The following COLEC10 variants were observed in gnomAD, a reference collection of about 807,000 sequenced individuals.
COLEC10 encodes collectin-10.
COLEC10 carries 22 observed loss-of-function variants against 28.4 expected under a neutral mutation model. The ratio of observed to expected loss-of-function variants is 0.78; its 90% CI spans 0.55 to 1.11. The LOEUF is 1.11. Ranked by LOEUF, COLEC10 falls within the 50% of genes least tolerant of loss-of-function variation. The pLI is 0.00. For missense variants in COLEC10, 361 were observed against 344.1 expected (o/e 1.05, Z -0.39); for synonymous variants, 125 against 116.1 (o/e 1.08, Z -0.49).
At chr8:119,098,524 A>G (rs1002436187) in intron 3 of COLEC10, among the ~76,000 whole-genome samples, 3 of 152,018 alleles carry the variant, frequency 2.0e-5, no homozygotes, top group African/African-American at 7.2e-5. Flanking sequence ...TGGGAGAACA[A>G]ATGAATGAAA....
chr8:119,000,625 T>C (rs767873812), intron 1 of COLEC10, among the ~76,000 whole-genome samples: 2 of 151,904 alleles, frequency 1.3e-5, no homozygotes, highest in African/African-American at 2.4e-5. Context: ...GAGAGGGTGA[T>C]GAATATTTAA....
At chr8:119,061,981 G>A (rs1401166081) in intron 2 of COLEC10, among the ~76,000 whole-genome samples, 1 of 152,058 alleles carries the variant, frequency 6.6e-6, no homozygotes, top group Non-Finnish European at 1.5e-5. Flanking sequence ...TGGTAGTTAT[G>A]ATGGGTTTGG....
the COLEC10 span, among the ~76,000 whole-genome samples, chr8:118,981,396 T>A: frequency 1.3e-5 from 2 of 152,124 alleles, no homozygotes; most frequent in African/African-American, 4.8e-5. Flanking sequence ...TTTAAAAAAA[T>A]TTATCAATTT....
intron 2 of COLEC10, among the ~76,000 whole-genome samples, chr8:119,045,538 T>C (rs1814572242): frequency 6.6e-6 from 1 of 152,198 alleles, no homozygotes; most frequent in Non-Finnish European, 1.5e-5. Flanking sequence ...TTTTAATAAG[T>C]CCAAAGGTCA....
intron 1 of COLEC10, among the ~76,000 whole-genome samples, chr8:119,080,877 A>G (rs887050287): frequency 1.3e-4 from 20 of 152,124 alleles, no homozygotes; most frequent in Non-Finnish European, 2.2e-4. Flanking sequence ...GAGACTTTCT[A>G]TATGTAACAT....
At chr8:119,036,719 C>T (rs749755010) in intron 2 of COLEC10, among the ~76,000 whole-genome samples, 14 of 152,062 alleles carry the variant, frequency 9.2e-5, no homozygotes, top group Non-Finnish European at 1.9e-4. Context: ...CAAATTAAGA[C>T]CATTTAAGGA....
At position 119,107,658 on chromosome 8, in the gene COLEC10, G is replaced by A. The variant is rs72682437; in HGVS notation, c.*1467G>A. On this transcript the variant is annotated 3_prime_UTR_variant, in exon 6 of 6. Coordinates refer to ENST00000332843, the MANE Select transcript of COLEC10 (RefSeq NM_006438.5). ...AAGGGCCATAAACTCAGATCCTACA[G>A]GGGCCAGGCAGATGACTTACCTAAA... 0.094 allele frequency among the ~76,000 whole-genome samples: 14,357 copies of A among 152,210 alleles called. 790 individuals carry two copies. The highest frequency in any genetic ancestry group is 0.19 in the Middle Eastern group (55 of 292).
the COLEC10 span, among the ~76,000 whole-genome samples, chr8:118,988,305 G>A: frequency 6.6e-6 from 1 of 152,096 alleles, no homozygotes; most frequent in Non-Finnish European, 1.5e-5. Context: ...AGGGGTAGGG[G>A]AGAGTAAGTA....
chr8:119,012,657 G>T (rs1030378080), intron 2 of COLEC10, among the ~76,000 whole-genome samples: 1 of 150,554 alleles, frequency 6.6e-6, no homozygotes, highest in Non-Finnish European at 1.5e-5. Context: ...AATAGATATA[G>T]GACTATTCAG....
At chr8:119,074,320 C>T (rs899300720) in intron 1 of COLEC10, among the ~76,000 whole-genome samples, 1 of 152,052 alleles carries the variant, frequency 6.6e-6, no homozygotes, top group Non-Finnish European at 1.5e-5. Context: ...AGGATAAATG[C>T]TTGAGTATAC....
chr8:119,053,770 G>A (rs923742289), intron 2 of COLEC10, among the ~76,000 whole-genome samples: 9 of 151,852 alleles, frequency 5.9e-5, no homozygotes, highest in Non-Finnish European at 7.4e-5. Flanking sequence ...CTTTCCTTCA[G>A]TTCTTGATTT....
intron 1 of COLEC10, among the ~76,000 whole-genome samples, chr8:119,007,227 C>T (rs1813820327): frequency 6.6e-6 from 1 of 152,068 alleles, no homozygotes; most frequent in African/African-American, 2.4e-5. Context: ...CCTGGCATAC[C>T]ATAACTAATA....
chr8:119,005,982 C>T (rs374672952), intron 1 of COLEC10, among the ~76,000 whole-genome samples: 1 of 152,076 alleles, frequency 6.6e-6, no homozygotes, highest in African/African-American at 2.4e-5. Context: ...TTAGGAATAT[C>T]CCTCACTGGG....
intron 1 of COLEC10, among the ~76,000 whole-genome samples, chr8:119,070,572 C>CT (rs1815096328): frequency 1.7e-5 from 1 of 58,338 alleles, no homozygotes; most frequent in Non-Finnish European, 3.4e-5. Context: ...CTCTCTCCCC[C>CT]CACCCCTTCT....
intron 2 of COLEC10, among the ~76,000 whole-genome samples, chr8:119,033,129 T>C (rs1186019053): frequency 6.6e-6 from 1 of 152,148 alleles, no homozygotes; most frequent in African/African-American, 2.4e-5. Flanking sequence ...AATGGGGGTG[T>C]GGAGGGCATG....
intron 3 of COLEC10, among the ~76,000 whole-genome samples, chr8:119,096,429 TAA>T (rs1445897602): frequency 3.3e-5 from 5 of 151,950 alleles, no homozygotes; most frequent in Non-Finnish European, 7.4e-5. Flanking sequence ...CCATCTCTAC[TAA>T]AAATGCAAAA....
At chr8:118,959,486 T>G in the COLEC10 span, among the ~76,000 whole-genome samples, 7 of 152,202 alleles carry the variant, frequency 4.6e-5, no homozygotes, top group Non-Finnish European at 7.3e-5. Flanking sequence ...GTTCTGAGTA[T>G]TCAAGGAGAA....
chr8:119,092,878 C>G (rs577974240), intron 3 of COLEC10, among the ~76,000 whole-genome samples: 86 of 152,056 alleles, frequency 5.7e-4, no homozygotes, highest in Admixed American at 1.5e-3. Context: ...TGCACTCCAG[C>G]TTGGGAGATA....
chr8:119,074,697 C>T (rs1815191665), intron 1 of COLEC10, among the ~76,000 whole-genome samples: 1 of 152,156 alleles, frequency 6.6e-6, no homozygotes, highest in African/African-American at 2.4e-5. Context: ...AGTCTTACTC[C>T]AAAGTCAACT....
Sources: allele counts gnomAD v4.1 joint callset (sites outside exome capture counted in the v4.1 genomes callset), GRCh38; gene constraint gnomAD v4.1.1; transcripts MANE v1.5; gene names NCBI Gene and HGNC (gene_info 2026-07-23, HGNC 2026-07-21).